Variants in CABLES1 observed in about 807,000 individuals in gnomAD.
The protein encoded by CABLES1 is CDK5 and ABL1 enzyme substrate 1.
CABLES1 carries 36 observed loss-of-function variants against 57.8 expected under a neutral mutation model. The ratio of observed to expected loss-of-function variants is 0.62; its 90% confidence interval spans 0.48 to 0.82. The LOEUF is 0.82. Among genes scored for constraint, CABLES1 ranks in the 40% least tolerant of loss-of-function variants. The pLI is 0.00. For missense variants in CABLES1, 767 were observed against 836.6 expected (o/e 0.92, Z 1.03); for synonymous variants, 374 against 363.0 (o/e 1.03, Z -0.35).
chr18:23,253,918 A>G lies in CABLES1; in HGVS notation c.1743A>G (p.Glu581=). The change falls in exon 9 of 10, where the codon GAA becomes GAG. Residue 581 remains glutamate (E), a synonymous_variant. Transcript: ENST00000256925. ...TTGGAAGTGACCTCAAAAAACACGA[A>G]GTCAAGCATTTAATTGACGTAAGTA... ...AKIGSDLKKH[E]VKHLIDKLEE... The G allele has an allele frequency of 6.2e-7, 1 of 1,614,152 alleles. No individual in the cohort carries two copies. The highest frequency in any genetic ancestry group is 8.5e-7 in the Non-Finnish European group (1 of 1,180,040).
Position 23,257,305 on chromosome 18 carries a change from G to A in CABLES1, c.1840G>A (p.Ala614Thr), listed in dbSNP as rs757746929. 51 of 1,613,718 alleles carry A rather than the reference G, an allele frequency of 3.2e-5. No homozygotes were observed. The highest frequency in any genetic ancestry group is 1.6e-4 in the Middle Eastern group (1 of 6,084). ...CCCGGTGTTAGTGGCCTTGGAATTC[G>A]CCCTCCACTTGCCCGAGCACGAAGT... ...EFPVLVALEF[A>T]LHLPEHEVMP... The change falls in exon 10 of 10, where the codon GCC becomes ACC. Residue 614 changes from alanine (A) to threonine (T), a missense_variant. This residue lies in a region of CABLES1 where 15 missense variants were observed against 41.0 expected (regional missense o/e 0.37). Coordinates refer to ENST00000256925, the MANE Select transcript of CABLES1 (RefSeq NM_001100619.3).
At chr18:23,217,224 G>A (rs761481358) in intron 4 of CABLES1, among the ~76,000 whole-genome samples, 12 of 152,064 alleles carry the variant, frequency 7.9e-5, no homozygotes, top group Non-Finnish European at 8.8e-5. Context: ...TAGGACTACA[G>A]TCGCGCGCCA....
At chr18:23,151,154 G>GACTACAGGCACCCGCCACC (rs1230961726) in intron 1 of CABLES1, among the ~76,000 whole-genome samples, 2 of 152,034 alleles carry the variant, frequency 1.3e-5, no homozygotes, top group East Asian at 3.9e-4. Flanking sequence ...GAGTAGCTGG[G>GACTACAGGCACCCGCCACC]ACTACAGGCA....
intron 3 of CABLES1, chr18:23,196,833 A>G (rs979350238): frequency 2.0e-5 from 3 of 152,278 alleles, no homozygotes; most frequent in Non-Finnish European, 4.4e-5. Context: ...ACATCTGTGC[A>G]TTGGGCTGTG....
chr18:23,207,518 T>C (rs1408405961), intron 3 of CABLES1, among the ~76,000 whole-genome samples: 1 of 152,122 alleles, frequency 6.6e-6, no homozygotes, highest in East Asian at 1.9e-4. Flanking sequence ...ATTCTTCCTG[T>C]GTGTTCAGTA....
chr18:23,245,503 CAAAAAA>C (rs914289893), intron 7 of CABLES1, among the ~76,000 whole-genome samples: 1 of 94,606 alleles, frequency 1.1e-5, no homozygotes, highest in East Asian at 3.4e-4. Flanking sequence ...CATCCTGTCT[CAAAAAA>C]AAAAAAAAAA....
At chr18:23,176,329 C>G (rs151205579) in intron 1 of CABLES1, among the ~76,000 whole-genome samples, 168 of 152,260 alleles carry the variant, frequency 1.1e-3, no homozygotes, top group Non-Finnish European at 2.2e-3. Flanking sequence ...GTGCACAGTT[C>G]ACAATAGGCT....
At chr18:23,171,549 C>CT (rs777192716) in intron 1 of CABLES1, among the ~76,000 whole-genome samples, 2 of 152,236 alleles carry the variant, frequency 1.3e-5, no homozygotes, top group South Asian at 4.1e-4. Flanking sequence ...TTTTGTAACA[C>CT]TTTTTTTCTT....
chr18:23,155,622 G>A (rs983494806), intron 1 of CABLES1, among the ~76,000 whole-genome samples: 4 of 152,202 alleles, frequency 2.6e-5, no homozygotes, highest in African/African-American at 9.7e-5. Flanking sequence ...TCCAGAGCTG[G>A]TAGCTTCATT....
intron 7 of CABLES1, among the ~76,000 whole-genome samples, chr18:23,242,426 A>G (rs930966835): frequency 2.6e-5 from 4 of 152,186 alleles, no homozygotes; most frequent in Non-Finnish European, 5.9e-5. Context: ...GGTGTGTCTC[A>G]GGGGAGGGCG....
At chr18:23,174,080 C>T (rs964331441) in intron 1 of CABLES1, among the ~76,000 whole-genome samples, 2 of 152,310 alleles carry the variant, frequency 1.3e-5, no homozygotes, top group South Asian at 4.1e-4. Flanking sequence ...AAAAAGAAAT[C>T]CCATGGTTAT....
chr18:23,141,058 A>C (rs2046855059), intron 1 of CABLES1, among the ~76,000 whole-genome samples: 1 of 152,212 alleles, frequency 6.6e-6, no homozygotes, highest in Non-Finnish European at 1.5e-5. Context: ...TAATCTCTTA[A>C]AAGCAGATTC....
chr18:23,232,987 CTGCCTTATATTCGTTCT>C (rs1259290487), intron 4 of CABLES1, among the ~76,000 whole-genome samples: 2 of 152,180 alleles, frequency 1.3e-5, no homozygotes, highest in Non-Finnish European at 2.9e-5. Context: ...CAATTTGCCC[CTGCCTTATATTCGTTCT>C]TGCATAGGTT....
At position 23,135,912 on chromosome 18, in the gene CABLES1, A is replaced by G; in HGVS notation, c.150A>G (p.Glu50=). The change falls in exon 1 of 10, where the codon GAA becomes GAG. Residue 50 remains glutamate, a synonymous_variant. Coordinates refer to ENST00000256925, the MANE Select transcript of CABLES1 (RefSeq NM_001100619.3). The part of the protein sequence containing the change: ...AAAAPAQPPP[E]PPRKPRMDPR... ...CCGCGCCGGCCCAGCCGCCGCCCGA[A>G]CCCCCCCGGAAGCCGCGCATGGACC... 9.2e-7 allele frequency: 1 copy of G among 1,083,804 alleles called. No individual in the cohort carries two copies. The highest frequency in any genetic ancestry group is 1.1e-6 in the Non-Finnish European group (1 of 898,134). The allele number at this position is 1,083,804 out of a possible 1,614,324, so 67.1% of individuals were successfully genotyped here.
At chr18:23,243,654 C>T (rs2047798917) in intron 7 of CABLES1, among the ~76,000 whole-genome samples, 1 of 151,774 alleles carries the variant, frequency 6.6e-6, no homozygotes, top group South Asian at 2.1e-4. Flanking sequence ...GGGTGGATCA[C>T]CTGAGGTCAG....
At chr18:23,247,369 G>A (rs369081786) in intron 7 of CABLES1, among the ~76,000 whole-genome samples, 5 of 152,360 alleles carry the variant, frequency 3.3e-5, no homozygotes, top group African/African-American at 1.2e-4. Flanking sequence ...AGAGTGATCC[G>A]TCCAGTTTCC....
At chr18:23,180,872 A>G (rs1343406150) in intron 1 of CABLES1, among the ~76,000 whole-genome samples, 1 of 152,162 alleles carries the variant, frequency 6.6e-6, no homozygotes, top group Non-Finnish European at 1.5e-5. Flanking sequence ...GAAGCAGGGG[A>G]TGGAGGCTTC....
chr18:23,181,496 CAAAAAAAAAAAAAAAAAAAAAAA>C (rs59742943), intron 1 of CABLES1, among the ~76,000 whole-genome samples: 1 of 35,398 alleles, frequency 2.8e-5, no homozygotes, highest in African/African-American at 1.0e-4. Flanking sequence ...AGCTTCGTCT[CAAAAAAAAAAAAAAAAAAAAAAA>C]AAAAAAAAGA....
chr18:23,219,376 A>T lies in CABLES1; in HGVS notation c.1088+5322A>T, dbSNP rs2047469417. 3 of 453,302 alleles carry T rather than the reference A, an allele frequency of 6.6e-6. No individual in the cohort carries two copies. In the Admixed American group the frequency reaches 7.0e-5, roughly 11 times the overall value. 28.1% of individuals were successfully genotyped at this position (453,302 alleles called of 1,614,324 possible). A position where few individuals can be genotyped will look rare whatever the true frequency, so the allele number is the denominator to read the frequency against. On this transcript the variant is annotated intron_variant, in intron 4 of 9. Coordinates refer to ENST00000256925, the MANE Select transcript of CABLES1 (RefSeq NM_001100619.3). ...GAGTTGGGTGAATTCAGATGGCAGG[A>T]TCCGATGTAGTGCCCAGCGAAGGCG...
Sources: gnomAD v4.1 joint callset for allele counts (sites outside exome capture counted in the v4.1 genomes callset) on GRCh38, gnomAD v4.1.1 for gene constraint, gnomAD v4.1.1 regional missense constraint, MANE v1.5 for transcripts, NCBI Gene and HGNC (gene_info 2026-07-23, HGNC 2026-07-21) for gene names.